Variants in ADPGK observed in about 807,000 individuals in gnomAD.
The protein encoded by ADPGK is ADP dependent glucokinase.
A neutral mutation model predicts 42.4 loss-of-function variants in ADPGK; 26 were observed. That is an observed-to-expected ratio of 0.61 (90% CI 0.45 to 0.85). ADPGK has a LOEUF of 0.85. Ranked by LOEUF, ADPGK falls within the 40% of genes least tolerant of loss-of-function variation. The pLI, the probability that ADPGK is intolerant of heterozygous loss-of-function variation, is 0.00. For synonymous variants in ADPGK, 267 were observed against 252.6 expected (o/e 1.06, Z -0.54); for missense variants, 571 against 627.0 (o/e 0.91, Z 0.95).
chr15:72,771,539 G>A (rs542463516), intron 3 of ADPGK, among the ~76,000 whole-genome samples: 128 of 152,318 alleles, frequency 8.4e-4, no homozygotes, highest in African/African-American at 2.9e-3. Flanking sequence ...TAGCCTTACA[G>A]GGTTTGTTGC....
intron 4 of ADPGK, among the ~76,000 whole-genome samples, chr15:72,758,998 GTGCAATCTCAGTTCAC>G (rs1289983412): frequency 6.6e-6 from 1 of 152,192 alleles, no homozygotes; most frequent in African/African-American, 2.4e-5. Flanking sequence ...GAGTGCAGTG[GTGCAATCTCAGTTCAC>G]TGCAACCTCC....
In ADPGK at chr15:72,758,623, GA is replaced by G. The variant is rs1346886912; in HGVS notation, c.643+1783del. 1.6e-5 allele frequency: 3 copies of G among 191,308 alleles called. No individual in the cohort carries two copies. The East Asian group carries it at 4.3e-4, about 28-fold the overall frequency. 11.9% of individuals were successfully genotyped at this position (191,308 alleles called of 1,614,324 possible). A position where few individuals can be genotyped will look rare whatever the true frequency, so the allele number is the denominator to read the frequency against. ...TTGTATGCAGAAGAGGCATAGGAAA[GA>G]AAAACTGAAGTGTGAAGCTTATAAA... is the stretch of plus-strand genomic sequence containing the variant. On this transcript the variant is annotated intron_variant, in intron 4 of 6. Coordinates refer to ENST00000456471, the MANE Select transcript of ADPGK (RefSeq NM_001365225.1).
At chr15:72,763,778 C>G (rs923062325) in intron 3 of ADPGK, among the ~76,000 whole-genome samples, 5 of 152,118 alleles carry the variant, frequency 3.3e-5, no homozygotes, top group African/African-American at 1.2e-4. Context: ...CCCTGTGGTC[C>G]CCTATGGGCA....
At chr15:72,752,962 C>T (rs2066067191) in intron 6 of ADPGK, 67 bp from the exon 7 acceptor site, 1 of 1,451,488 alleles carries the variant, frequency 6.9e-7, no homozygotes, top group African/African-American at 1.4e-5. Context: ...TCTTATGACA[C>T]AGCCAGTGAC....
At chr15:72,778,818 G>A (rs2066421147) in intron 1 of ADPGK, among the ~76,000 whole-genome samples, 1 of 152,142 alleles carries the variant, frequency 6.6e-6, no homozygotes, top group Non-Finnish European at 1.5e-5. Flanking sequence ...AAATGGCTAG[G>A]GCAGTGGTCC....
intron 3 of ADPGK, 71 bp from the exon 4 acceptor site, chr15:72,760,598 G>C (rs972658486): frequency 6.7e-7 from 1 of 1,482,848 alleles, no homozygotes; most frequent in Non-Finnish European, 9.0e-7. Context: ...CAGCACCCCA[G>C]GACAGTACAT....
chr15:72,752,556 G>C lies in ADPGK; in HGVS notation c.1279C>G (p.Leu427Val). The part of the protein sequence containing the change: ...TETIDTSRVS[L>V]RAPQEFMTSH... The stretch of plus-strand genomic sequence containing the variant: ...GTCATGAACTCTTGGGGTGCCCTCA[G>C]AGACACTCGGCTGGTGTCTATGGTT... The change falls in exon 7 of 7, where the codon CTG (leucine) becomes GTG (valine). Residue 427 changes from leucine (L) to valine (V), a missense_variant. Physicochemically the swap from Leu to Val is conservative, Grantham distance 32. This residue lies in a region of ADPGK where 434 missense variants were observed against 522.7 expected (regional missense o/e 0.83). Transcript: ENST00000456471. The C allele has an allele frequency of 1.2e-6, 2 of 1,614,220 alleles. No individual in the cohort carries two copies. The highest frequency in any genetic ancestry group is 1.7e-6 in the Non-Finnish European group (2 of 1,180,042).
At chr15:72,777,392 A>G (rs556034625) in intron 1 of ADPGK, among the ~76,000 whole-genome samples, 114 of 152,272 alleles carry the variant, frequency 7.5e-4, no homozygotes, top group African/African-American at 2.5e-3. Context: ...GAAAATAACT[A>G]CTTCAAAAAC....
In ADPGK at chr15:72,775,061, C is replaced by CAAG; in HGVS notation, c.269_270insCTT (p.Val90_Lys91insLeu). 6.2e-7 allele frequency: 1 copy of CAAG among 1,614,182 alleles called. No homozygotes were observed. Among genetic ancestry groups the CAAG allele is most frequent in the Non-Finnish European group, 8.5e-7 (1 of 1,180,040 alleles). ...TAAGGCCAAGTGCCTGCAAGAGCTT[C>CAAG]ACCCCTGAGAGCACCACATCAACAC... On this transcript the variant is annotated inframe_insertion, in exon 2 of 7. Transcript: ENST00000456471.
Position 72,783,534 on chromosome 15 carries a change from G to A in ADPGK, c.158C>T (p.Pro53Leu), listed in dbSNP as rs1351496234. 1.3e-6 allele frequency: 2 copies of A among 1,490,084 alleles called. No individual in the cohort carries two copies. Among genetic ancestry groups the A allele is most frequent in the Non-Finnish European group, 1.8e-6 (2 of 1,127,060 alleles). 92.3% of individuals were successfully genotyped at this position (1,490,084 alleles called of 1,614,324 possible). The stretch of plus-strand genomic sequence containing the variant: ...CCAGGCTGCCGCCAACCGGCCCTCG[G>A]GGGAGACGGGTCCCGGGGGCGCAGG... ...PAPAPPGPVS[P>L]EGRLAAAWDA... Residue 53 changes from proline (P) to leucine (L), a missense_variant, in exon 1 of 7, where the codon CCC becomes CTC. By Grantham distance (98) the Pro-to-Leu change is moderately conservative. Coordinates refer to ENST00000456471, the MANE Select transcript of ADPGK (RefSeq NM_001365225.1).
At position 72,783,715 on chromosome 15, in the gene ADPGK, G is replaced by A. The variant is rs1340844124; in HGVS notation, c.-24C>T. ...ATGGGGACCCAGGCGCCGCACCTGC[G>A]CGAACCAACTCCTTTCCTAGCCCGC... On this transcript the variant is annotated 5_prime_UTR_variant, in exon 1 of 7. Coordinates refer to ENST00000456471, the MANE Select transcript of ADPGK (RefSeq NM_001365225.1). 2.1e-6 allele frequency: 3 copies of A among 1,446,186 alleles called. No homozygotes were observed. Among genetic ancestry groups the A allele is most frequent in the South Asian group, 1.4e-5 (1 of 71,892 alleles). 89.6% of individuals were successfully genotyped at this position (1,446,186 alleles called of 1,614,324 possible).
chr15:72,753,398 G>T (rs1052234080), intron 6 of ADPGK, among the ~76,000 whole-genome samples: 1 of 152,166 alleles, frequency 6.6e-6, no homozygotes, highest in Non-Finnish European at 1.5e-5. Context: ...TTAAAAGCAG[G>T]TGTGGGTTAG....
At chr15:72,765,567 A>G (rs1189351099) in intron 3 of ADPGK, among the ~76,000 whole-genome samples, 1 of 152,284 alleles carries the variant, frequency 6.6e-6, no homozygotes, top group African/African-American at 2.4e-5. Context: ...GAAAGAATTT[A>G]CCATTCTAAA....
chr15:72,756,617 C>A, intron 4 of ADPGK, 170 bp from the exon 5 acceptor site: 1 of 688,760 alleles, frequency 1.5e-6, no homozygotes, highest in Non-Finnish European at 2.4e-6. Context: ...CTGCAAGAAA[C>A]AAACCAAAAA....
chr15:72,760,519 A>G lies in ADPGK; in HGVS notation c.531T>C (p.Leu177=), dbSNP rs142855273. 1.2e-5 allele frequency: 20 copies of G among 1,601,228 alleles called. No individual in the cohort carries two copies. The African/African-American group carries it at 2.4e-4, about 19-fold the overall frequency. The part of the protein sequence containing the change: ...FAANSDLKVL[L]CGPVGPKLHE... ...GTAGCTTTGGACCAACTGGACCGCA[A>G]AGAAGAACCTGGAGGCAAGCAACAC... The change falls in exon 4 of 7, where the codon CTT becomes CTC. Residue 177 remains leucine (L), a synonymous_variant. Transcript: ENST00000456471.
At position 72,783,645 on chromosome 15, in the gene ADPGK, G is replaced by A; in HGVS notation, c.47C>T (p.Ala16Val). 1 of 1,511,044 alleles carries A rather than the reference G, an allele frequency of 6.6e-7. No homozygotes were observed. Among genetic ancestry groups the A allele is most frequent in the Non-Finnish European group, 8.8e-7 (1 of 1,137,420 alleles). 93.6% of individuals were successfully genotyped at this position (1,511,044 alleles called of 1,614,324 possible). Residue 16 changes from alanine (A) to valine (V), a missense_variant, in exon 1 of 7, where the codon GCC (alanine) becomes GTC (valine). This residue lies in a region of ADPGK where 137 missense variants were observed against 104.2 expected (regional missense o/e 1.31). Coordinates refer to ENST00000456471, the MANE Select transcript of ADPGK (RefSeq NM_001365225.1). ...GSAYAGFLAL[A>V]VGCVFLLEPE... ...CTCCAGCAGGAAGACGCAGCCCACGGCCAGCGCCAGGAAGCCCGCGTACGC... is the reference window on the plus strand; with the variant it reads ...CTCCAGCAGGAAGACGCAGCCCACGACCAGCGCCAGGAAGCCCGCGTACGC...
At chr15:72,776,429 A>C (rs2066393632) in intron 1 of ADPGK, among the ~76,000 whole-genome samples, 1 of 152,186 alleles carries the variant, frequency 6.6e-6, no homozygotes, top group South Asian at 2.1e-4. Flanking sequence ...ACTGGGCTTC[A>C]GAGTTAATTC....
chr15:72,761,208 G>A (rs1411584448), intron 3 of ADPGK, among the ~76,000 whole-genome samples: 1 of 152,198 alleles, frequency 6.6e-6, no homozygotes, highest in African/African-American at 2.4e-5. Flanking sequence ...GGCAGCCAAA[G>A]CAGACCCTAC....
At chr15:72,777,178 A>T (rs145711993) in intron 1 of ADPGK, among the ~76,000 whole-genome samples, 143 of 152,320 alleles carry the variant, frequency 9.4e-4, no homozygotes, top group African/African-American at 3.3e-3. Flanking sequence ...AATGAATGCA[A>T]CATTAGATTG....
Sources: allele counts gnomAD v4.1 joint callset (sites outside exome capture counted in the v4.1 genomes callset), GRCh38; gene constraint gnomAD v4.1.1; regional missense constraint gnomAD v4.1.1; transcripts MANE v1.5; gene names NCBI Gene and HGNC (gene_info 2026-07-23, HGNC 2026-07-21).